The following ARPP21 variants were observed in gnomAD, a reference collection of about 807,000 sequenced individuals.
ARPP21 encodes cAMP regulated phosphoprotein 21, also known as cAMP-regulated phosphoprotein 21.
Under a neutral mutation model 113.2 loss-of-function variants are expected in ARPP21, and 69 were observed. The observed-to-expected ratio is 0.61, with a 90% CI of 0.50 to 0.74. The LOEUF (loss-of-function observed/expected upper bound fraction) is 0.74, where lower values mean the gene tolerates loss of function less well. Among genes scored for constraint, ARPP21 ranks in the 30% least tolerant of loss-of-function variants. ARPP21 has a pLI of 0.00. For synonymous variants in ARPP21, 368 were observed against 375.5 expected (o/e 0.98, Z 0.23); for missense variants, 1,070 against 1,037.4 (o/e 1.03, Z -0.43).
chr3:35,722,317 G>A (rs930552019), intron 14 of ARPP21, among the ~76,000 whole-genome samples: 3 of 152,106 alleles, frequency 2.0e-5, no homozygotes, highest in South Asian at 2.1e-4. Context: ...AATAGCTTTC[G>A]TTCTTGCATT....
intron 11 of ARPP21, among the ~76,000 whole-genome samples, chr3:35,711,610 G>C (rs1451060048): frequency 6.6e-6 from 1 of 152,184 alleles, no homozygotes; most frequent in Non-Finnish European, 1.5e-5. Flanking sequence ...GGTGATTCTA[G>C]CTCAGAGTCT....
chr3:35,757,881 A>G (rs2095629857), intron 19 of ARPP21, among the ~76,000 whole-genome samples: 1 of 152,136 alleles, frequency 6.6e-6, no homozygotes, highest in African/African-American at 2.4e-5. Flanking sequence ...AATTTTTTAA[A>G]GAAGTAAAAC....
Position 35,690,846 on chromosome 3 carries a change from T to C in ARPP21, c.546-19T>C, listed in dbSNP as rs1236673233. The stretch of plus-strand genomic sequence containing the variant: ...AAAATGAAAATGCTGATTCCACTTT[T>C]TCTTGAATTATGTTCTAGTAATCAT... On this transcript the variant is annotated intron_variant, in intron 8 of 20. Coordinates refer to ENST00000684406, the MANE Select transcript of ARPP21 (RefSeq NM_001385562.1). 1.3e-6 allele frequency: 2 copies of C among 1,582,238 alleles called. No homozygotes were observed. Among genetic ancestry groups the C allele is most frequent in the Admixed American group, 3.7e-5 (2 of 54,114 alleles).
chr3:35,653,397 G>A (rs1163961725), intron 1 of ARPP21, among the ~76,000 whole-genome samples: 2 of 152,030 alleles, frequency 1.3e-5, no homozygotes, highest in Non-Finnish European at 1.5e-5. Flanking sequence ...AGAATCAGGA[G>A]CTAAGGGAAG....
Position 35,690,856 on chromosome 3 carries a change from A to G in ARPP21, c.546-9A>G, listed in dbSNP as rs757836746. ...TGCTGATTCCACTTTTTCTTGAATT[A>G]TGTTCTAGTAATCATTATAAAAAGT... On this transcript the variant is annotated splice_polypyrimidine_tract_variant and intron_variant, in intron 8 of 20. Coordinates refer to ENST00000684406, the MANE Select transcript of ARPP21 (RefSeq NM_001385562.1). 1 of 1,590,404 alleles carries G rather than the reference A, an allele frequency of 6.3e-7. No homozygotes were observed. Among genetic ancestry groups the G allele is most frequent in the South Asian group, 1.1e-5 (1 of 87,054 alleles).
intron 10 of ARPP21, 26 bp from the exon 11 acceptor site, chr3:35,708,943 C>A: frequency 1.3e-6 from 2 of 1,535,320 alleles, no homozygotes; most frequent in East Asian, 2.3e-5. Context: ...CTTGGATAAC[C>A]CTCCTGATTT....
At chr3:35,676,166 C>T (rs2077433543) in intron 1 of ARPP21, among the ~76,000 whole-genome samples, 1 of 151,928 alleles carries the variant, frequency 6.6e-6, no homozygotes, top group Middle Eastern at 3.2e-3. Flanking sequence ...AGAAATAAAA[C>T]ACTGGCACAA....
intron 19 of ARPP21, among the ~76,000 whole-genome samples, chr3:35,759,490 A>G (rs2095684518): frequency 6.6e-6 from 1 of 152,004 alleles, no homozygotes; most frequent in Admixed American, 6.6e-5. Flanking sequence ...TTTTCAGGTA[A>G]TTGAACAGGT....
chr3:35,681,234 G>A (rs977620637), intron 2 of ARPP21: 1 of 151,608 alleles, frequency 6.6e-6, no homozygotes, highest in African/African-American at 2.4e-5. Context: ...AGTTTTTTTT[G>A]ACCTTGCAGA....
At chr3:35,717,705 C>A (rs903893660) in intron 13 of ARPP21, among the ~76,000 whole-genome samples, 3 of 152,042 alleles carry the variant, frequency 2.0e-5, no homozygotes, top group Admixed American at 1.3e-4. Context: ...ATTCTCAACA[C>A]TGGAAAATAA....
chr3:35,690,989 A>G lies in ARPP21; in HGVS notation c.670A>G (p.Thr224Ala). Residue 224 changes from threonine (T) to alanine (A), a missense_variant, in exon 9 of 21, where the codon ACC (threonine) becomes GCC (alanine). Coordinates refer to ENST00000684406, the MANE Select transcript of ARPP21 (RefSeq NM_001385562.1). ...QTGKSVIINK[T>A]SSTRIPEQRF... Reference sequence around the variant, plus strand: ...AGGAAAATCTGTTATCATCAACAAGACCAGCAGCACCAGAATGTAAGCCCC... The same window carrying G: ...AGGAAAATCTGTTATCATCAACAAGGCCAGCAGCACCAGAATGTAAGCCCC... The G allele has an allele frequency of 5.0e-6, 8 of 1,610,060 alleles. No individual in the cohort carries two copies. Among genetic ancestry groups the G allele is most frequent in the Non-Finnish European group, 6.8e-6 (8 of 1,177,584 alleles).
chr3:35,789,161 A>G (rs973968510), intron 19 of ARPP21, among the ~76,000 whole-genome samples: 1 of 152,254 alleles, frequency 6.6e-6, no homozygotes, highest in Non-Finnish European at 1.5e-5. Flanking sequence ...TTCACAGCTA[A>G]GAATTGACAA....
chr3:35,698,414 T>C (rs1008852887), intron 9 of ARPP21, among the ~76,000 whole-genome samples: 3 of 151,702 alleles, frequency 2.0e-5, no homozygotes, highest in African/African-American at 7.2e-5. Flanking sequence ...AACATGCGTA[T>C]ATGTTCTATA....
In ARPP21 at chr3:35,743,859, A is replaced by G; in HGVS notation, c.2031A>G (p.Pro677=). 3 of 1,613,988 alleles carry G rather than the reference A, an allele frequency of 1.9e-6. No homozygotes were observed. Among genetic ancestry groups the G allele is most frequent in the African/African-American group, 1.3e-5 (1 of 75,028 alleles). ...CACAGATGCCTGTATATTATTACCCATCTGGTCAGTACCCTACCTCAACCA... is the reference window on the plus strand; with the variant it reads ...CACAGATGCCTGTATATTATTACCCGTCTGGTCAGTACCCTACCTCAACCA... ...PPAQMPVYYY[P]SGQYPTSTTQ... is the part of the protein sequence containing the mutation. The change falls in exon 19 of 21, where the codon CCA becomes CCG. Residue 677 remains proline, a synonymous_variant. Coordinates refer to ENST00000684406, the MANE Select transcript of ARPP21 (RefSeq NM_001385562.1).
Position 35,706,988 on chromosome 3 carries a change from T to G in ARPP21, c.701T>G (p.Phe234Cys). The change falls in exon 10 of 21, where the codon TTT (phenylalanine) becomes TGT (cysteine). Residue 234 changes from phenylalanine (F) to cysteine (C), a missense_variant. Coordinates refer to ENST00000684406, the MANE Select transcript of ARPP21 (RefSeq NM_001385562.1). ...TTTGCTGGCAGACCAGAGCAAAGGTTTTGTGAACATTTAAAAGATGAAAAA... is the reference window on the plus strand; with the variant it reads ...TTTGCTGGCAGACCAGAGCAAAGGTGTTGTGAACATTTAAAAGATGAAAAA... ...TSSTRIPEQR[F>C]CEHLKDEKGE... 1 of 1,613,932 alleles carries G rather than the reference T, an allele frequency of 6.2e-7. No homozygotes were observed. Among genetic ancestry groups the G allele is most frequent in the Non-Finnish European group, 8.5e-7 (1 of 1,179,880 alleles).
At chr3:35,669,649 T>C (rs2075829493) in intron 1 of ARPP21, among the ~76,000 whole-genome samples, 2 of 152,144 alleles carry the variant, frequency 1.3e-5, no homozygotes, top group Non-Finnish European at 2.9e-5. Context: ...AAGTGCAAGG[T>C]TACACATTAC....
chr3:35,667,245 T>C (rs190500380), intron 1 of ARPP21, among the ~76,000 whole-genome samples: 2 of 152,308 alleles, frequency 1.3e-5, no homozygotes, highest in Admixed American at 1.3e-4. Context: ...TATTAACATT[T>C]AACTTAAGTT....
intron 1 of ARPP21, among the ~76,000 whole-genome samples, chr3:35,670,196 A>G (rs1469481312): frequency 6.6e-6 from 1 of 152,122 alleles, no homozygotes; most frequent in African/African-American, 2.4e-5. Context: ...ACAAAAAGCA[A>G]ACACCCATTT....
chr3:35,774,354 T>G (rs2096291423), intron 19 of ARPP21, among the ~76,000 whole-genome samples: 3 of 152,188 alleles, frequency 2.0e-5, no homozygotes, highest in African/African-American at 7.2e-5. Context: ...AAAATTTGCT[T>G]CTACATTAAA....
Sources: allele counts gnomAD v4.1 joint callset (sites outside exome capture counted in the v4.1 genomes callset), GRCh38; gene constraint gnomAD v4.1.1; transcripts MANE v1.5; gene names NCBI Gene and HGNC (gene_info 2026-07-23, HGNC 2026-07-21).